The following CPXM2 variants were observed in gnomAD, a reference collection of about 807,000 sequenced individuals.
CPXM2 encodes inactive carboxypeptidase-like protein X2.
A neutral mutation model predicts 86.1 loss-of-function variants in CPXM2; 66 were observed. The ratio of observed to expected loss-of-function variants is 0.77; its 90% CI spans 0.63 to 0.94. The LOEUF (loss-of-function observed/expected upper bound fraction) is 0.94. Ranked by LOEUF, CPXM2 falls within the 40% of genes least tolerant of loss-of-function variation. The pLI is 0.00. For missense variants in CPXM2, 948 were observed against 1,026.3 expected (o/e 0.92, Z 1.04); for synonymous variants, 388 against 400.2 (o/e 0.97, Z 0.36).
intron 3 of CPXM2, among the ~76,000 whole-genome samples, chr10:123,853,904 C>CA (rs1011802606): frequency 2.6e-5 from 4 of 151,760 alleles, no homozygotes; most frequent in African/African-American, 7.3e-5. Context: ...GGCTCAGTCT[C>CA]AAAAAAAGAA....
intron 4 of CPXM2, among the ~76,000 whole-genome samples, chr10:123,814,346 C>G (rs1431971274): frequency 1.3e-5 from 2 of 152,160 alleles, no homozygotes; most frequent in African/African-American, 4.8e-5. Flanking sequence ...CAGCCTACAT[C>G]TTTCTACTGT....
intron 3 of CPXM2, among the ~76,000 whole-genome samples, chr10:123,844,774 G>A (rs1206983063): frequency 6.6e-6 from 1 of 152,158 alleles, no homozygotes; most frequent in Admixed American, 6.5e-5. Flanking sequence ...AGAAGGAAGT[G>A]CAAACGTCAA....
intron 2 of CPXM2, among the ~76,000 whole-genome samples, chr10:123,919,363 C>A (rs189174808): frequency 7.2e-5 from 11 of 152,268 alleles, no homozygotes; most frequent in Admixed American, 5.9e-4. Context: ...ACATAATATT[C>A]AAAAATATCC....
chr10:123,748,823 C>G (rs564902442), intron 13 of CPXM2, among the ~76,000 whole-genome samples: 16 of 152,234 alleles, frequency 1.1e-4, no homozygotes, highest in African/African-American at 2.2e-4. Flanking sequence ...CAGTCCCTGA[C>G]AAGCCCGAGC....
At chr10:123,774,202 G>A (rs1023041582) in intron 7 of CPXM2, among the ~76,000 whole-genome samples, 3 of 152,160 alleles carry the variant, frequency 2.0e-5, no homozygotes, top group South Asian at 2.1e-4. Context: ...CAGGGTGGCC[G>A]GTGGGCAGGT....
chr10:123,809,553 T>C (rs1374219141), intron 4 of CPXM2, among the ~76,000 whole-genome samples: 1 of 152,064 alleles, frequency 6.6e-6, no homozygotes, highest in Non-Finnish European at 1.5e-5. Context: ...TGTAAATAGA[T>C]ATAGATACAC....
At chr10:123,835,964 G>T (rs990626375) in intron 4 of CPXM2, among the ~76,000 whole-genome samples, 1 of 152,178 alleles carries the variant, frequency 6.6e-6, no homozygotes, top group Non-Finnish European at 1.5e-5. Flanking sequence ...TGTTTGGGGA[G>T]GCTCGGGCTC....
chr10:123,936,609 T>A (rs1480327097), intron 2 of CPXM2, among the ~76,000 whole-genome samples: 2 of 152,230 alleles, frequency 1.3e-5, no homozygotes, highest in African/African-American at 4.8e-5. Flanking sequence ...TGCAAAGGAA[T>A]GAAGGTCTTG....
intron 11 of CPXM2, 116 bp from the exon 12 acceptor site, chr10:123,757,468 G>C: frequency 2.3e-6 from 2 of 873,340 alleles, no homozygotes; most frequent in Non-Finnish European, 1.9e-6. Flanking sequence ...TGTTTAAACA[G>C]GGAGATATGA....
At chr10:123,912,308 C>CGGAG (rs1201463574) in intron 2 of CPXM2, among the ~76,000 whole-genome samples, 1 of 39,528 alleles carries the variant, frequency 2.5e-5, no homozygotes, top group Admixed American at 2.6e-4. Context: ...AGATGGTGGG[C>CGGAG]GGGGGGGGGG....
chr10:123,815,963 C>T (rs1847805970), intron 4 of CPXM2, among the ~76,000 whole-genome samples: 1 of 152,056 alleles, frequency 6.6e-6, no homozygotes, highest in South Asian at 2.1e-4. Flanking sequence ...AATGCTGCAG[C>T]TCAGGGAGTT....
At chr10:123,923,307 G>C (rs115903046) in intron 2 of CPXM2, among the ~76,000 whole-genome samples, 3 of 152,110 alleles carry the variant, frequency 2.0e-5, no homozygotes, top group African/African-American at 7.2e-5. Context: ...CTTGCCGGGC[G>C]CGGTGGCTCA....
At chr10:123,848,041 G>T (rs938839659) in intron 3 of CPXM2, among the ~76,000 whole-genome samples, 1 of 152,216 alleles carries the variant, frequency 6.6e-6, no homozygotes, top group African/African-American at 2.4e-5. Flanking sequence ...GCTATTTGGA[G>T]AGAAACAGGA....
At position 123,754,688 on chromosome 10, in the gene CPXM2, T is replaced by G; in HGVS notation, c.1992A>C (p.Glu664Asp). The change falls in exon 13 of 14, where the codon GAA (glutamate) becomes GAC (aspartate). Residue 664 changes from glutamate (E) to aspartate (D), a missense_variant. Glu to Asp is a conservative substitution (Grantham distance 45). Transcript: ENST00000241305. The surrounding 1 kb of genome is among the most constrained non-coding windows in gnomAD (Gnocchi z 4.0). ...CTGTTCGGATGTCATGGTTAATGCC[T>G]TCTACGGAGATAATGGCGTTTGGGA... ...KGIPNAIISV[E>D]GINHDIRTAN... 1 of 1,605,130 alleles carries G rather than the reference T, an allele frequency of 6.2e-7. No individual in the cohort carries two copies. The highest frequency in any genetic ancestry group is 1.1e-5 in the South Asian group (1 of 90,888).
At chr10:123,831,815 C>A (rs1008942594) in intron 4 of CPXM2, among the ~76,000 whole-genome samples, 1 of 151,984 alleles carries the variant, frequency 6.6e-6, no homozygotes, top group Non-Finnish European at 1.5e-5. Flanking sequence ...CCAGAAAAAT[C>A]TTTTCTACCC....
chr10:123,876,051 A>T (rs1944981417), intron 2 of CPXM2, among the ~76,000 whole-genome samples: 1 of 151,852 alleles, frequency 6.6e-6, no homozygotes. Flanking sequence ...TCCTTACCTC[A>T]GGTGATCCAC....
intron 3 of CPXM2, among the ~76,000 whole-genome samples, chr10:123,843,441 T>TC (rs1293570171): frequency 1.5e-4 from 23 of 150,114 alleles, no homozygotes; most frequent in Non-Finnish European, 3.0e-4. Flanking sequence ...TATTTTTTTT[T>TC]TTTTTTTTTT....
intron 4 of CPXM2, among the ~76,000 whole-genome samples, chr10:123,841,285 G>A (rs769930119): frequency 5.9e-5 from 9 of 152,038 alleles, no homozygotes; most frequent in Non-Finnish European, 8.8e-5. Context: ...CTCTACCTCC[G>A]TCTCCACAAC....
At chr10:123,909,898 A>C (rs1372033367) in intron 2 of CPXM2, among the ~76,000 whole-genome samples, 1 of 152,210 alleles carries the variant, frequency 6.6e-6, no homozygotes, top group African/African-American at 2.4e-5. Context: ...TCTCATGCCA[A>C]CATTTAGTCC....
Sources: gnomAD v4.1 joint callset for allele counts (sites outside exome capture counted in the v4.1 genomes callset) on GRCh38, gnomAD v4.1.1 for gene constraint, Gnocchi (gnomAD v3.1) non-coding constraint, MANE v1.5 for transcripts, NCBI Gene and HGNC (gene_info 2026-07-23, HGNC 2026-07-21) for gene names.